The following GATB variants were observed in gnomAD, a reference collection of about 807,000 sequenced individuals.
GATB encodes glutamyl-tRNA(Gln) amidotransferase subunit B, mitochondrial.
GATB carries 39 observed loss-of-function variants against 62.3 expected under a neutral mutation model. That is an observed-to-expected ratio of 0.63 (90% CI 0.48 to 0.82). GATB has a LOEUF of 0.82. GATB is among the 40% of genes least tolerant of loss of function. The pLI is 0.00. For synonymous variants in GATB, 276 were observed against 258.9 expected, an observed-to-expected ratio of 1.07 and a Z score of -0.63; for missense variants, 670 against 684.0, an observed-to-expected ratio of 0.98 and a Z score of 0.23.
chr4:151,717,221 G>A, intron 3 of GATB, 147 bp from the exon 4 acceptor site: 1 of 716,974 alleles, frequency 1.4e-6, no homozygotes. Context: ...AAAAAAATTA[G>A]TTGCTGCATT....
intron 10 of GATB, among the ~76,000 whole-genome samples, 197 bp downstream of exon 10, chr4:151,688,433 C>T (rs747857711): frequency 6.6e-6 from 1 of 152,262 alleles, no homozygotes; most frequent in South Asian, 2.1e-4. Flanking sequence ...TGCACAGTCA[C>T]AGATTTGAAG....
chr4:151,708,544 T>C (rs1738759879), intron 5 of GATB, among the ~76,000 whole-genome samples: 1 of 152,310 alleles, frequency 6.6e-6, no homozygotes, highest in Admixed American at 6.5e-5. Context: ...CTGCTCTCCA[T>C]TGGAATGTGG....
Position 151,719,481 on chromosome 4 carries a change from G to A in GATB, c.385C>T (p.His129Tyr), listed in dbSNP as rs147299589. ...AVMTGLALNCHINKKSLFDRK... is the reference protein window; with the variant it reads ...AVMTGLALNCYINKKSLFDRK... ...TCAAACAAGGACTTCTTGTTTATGT[G>A]GCAGTTCAGAGCCAGGCCTGTCATC... Residue 129 changes from histidine to tyrosine, a missense_variant, in exon 3 of 13, where the codon CAC becomes TAC. His to Tyr is a moderately conservative substitution (Grantham distance 83). Coordinates refer to ENST00000263985, the MANE Select transcript of GATB (RefSeq NM_004564.3). 107 of 1,611,610 alleles carry A rather than the reference G, an allele frequency of 6.6e-5. No homozygotes were observed. Among genetic ancestry groups the A allele is most frequent in the Non-Finnish European group, 8.4e-5 (99 of 1,179,020 alleles).
intron 3 of GATB, among the ~76,000 whole-genome samples, chr4:151,718,102 C>T (rs982983240): frequency 2.6e-5 from 4 of 152,174 alleles, no homozygotes; most frequent in Non-Finnish European, 4.4e-5. Context: ...CTGCTTGGCC[C>T]GACCTCAAAG....
chr4:151,688,821 A>G, intron 9 of GATB, 58 bp from the exon 10 acceptor site: 2 of 1,522,402 alleles, frequency 1.3e-6, no homozygotes, highest in Non-Finnish European at 1.8e-6. Context: ...AAAGATCAGC[A>G]TTCTGAAGGC....
At chr4:151,690,544 AACCCAG>A (rs1424422526) in intron 9 of GATB, among the ~76,000 whole-genome samples, 1 of 152,266 alleles carries the variant, frequency 6.6e-6, no homozygotes, top group Non-Finnish European at 1.5e-5. Flanking sequence ...CCTTTGTTCT[AACCCAG>A]ACAGGCTGGC....
intron 2 of GATB, among the ~76,000 whole-genome samples, chr4:151,731,927 C>T (rs1313932185): frequency 1.3e-5 from 2 of 150,848 alleles, no homozygotes. Context: ...GGGTCAGCCC[C>T]CGCCGGGCCA....
chr4:151,735,993 A>T (rs1397937988), intron 2 of GATB, among the ~76,000 whole-genome samples: 5 of 151,942 alleles, frequency 3.3e-5, no homozygotes, highest in South Asian at 2.1e-4. Context: ...GTAACCAAAT[A>T]CCACTTGTAC....
rs1241425728 is a variant in GATB, at chr4:151,751,668, C to T, written c.327+7104G>A. ...TTTATTAAATCAGTAGCTGGTGCTT[C>T]TATTATTATTTACATGTTTCTCTCC... On this transcript the variant is annotated intron_variant, in intron 2 of 12. Transcript: ENST00000263985. Among the ~76,000 whole-genome samples, 13 of 152,262 alleles carry T rather than the reference C, an allele frequency of 8.5e-5. No individual in the cohort carries two copies. The South Asian group carries it at 2.7e-3, about 32-fold the overall frequency.
At chr4:151,732,483 G>A (rs1052101131) in intron 2 of GATB, among the ~76,000 whole-genome samples, 1 of 152,060 alleles carries the variant, frequency 6.6e-6, no homozygotes, top group Non-Finnish European at 1.5e-5. Context: ...TAAGGGCGGT[G>A]CAAGATGTGC....
intron 1 of GATB, among the ~76,000 whole-genome samples, chr4:151,759,873 G>C (rs1176739284): frequency 2.0e-5 from 3 of 152,004 alleles, no homozygotes; most frequent in African/African-American, 7.3e-5. Context: ...CTGAAGTACT[G>C]CAAGAATAAG....
rs1452920701 is a variant in GATB, at chr4:151,697,951, G to GTGTA, written c.1197+3374_1197+3377dup. ...ATTTCATATATATGTGTGTGTGTGTGTGTATATATATATATATATATATAT... is the reference window on the plus strand; with the variant it reads ...ATTTCATATATATGTGTGTGTGTGTGTGTATGTATATATATATATATATATATAT... On this transcript the variant is annotated intron_variant, in intron 9 of 12. Transcript: ENST00000263985. 1.7e-4 allele frequency among the ~76,000 whole-genome samples: 5 copies of GTGTA among 28,638 alleles called. No homozygotes were observed. The South Asian group carries it at 9.9e-3, about 57-fold the overall frequency. The allele number at this position is 28,638 out of a possible 152,430, so 18.8% of individuals were successfully genotyped here.
intron 2 of GATB, among the ~76,000 whole-genome samples, chr4:151,736,445 T>A (rs1296558723): frequency 6.6e-6 from 1 of 152,232 alleles, no homozygotes; most frequent in Non-Finnish European, 1.5e-5. Flanking sequence ...TGCCTCACTA[T>A]GTAAATGTAT....
At chr4:151,708,216 C>G in intron 5 of GATB, 115 bp from the exon 6 acceptor site, 1 of 698,346 alleles carries the variant, frequency 1.4e-6, no homozygotes, top group Non-Finnish European at 2.5e-6. Flanking sequence ...TTAGTTATAG[C>G]AGCCTAACTT....
intron 2 of GATB, among the ~76,000 whole-genome samples, chr4:151,727,868 C>A (rs140186098): frequency 2.0e-5 from 3 of 152,100 alleles, no homozygotes; most frequent in African/African-American, 7.2e-5. Flanking sequence ...CTATCTCAAT[C>A]GAATCTTTCA....
rs944930437 is a variant in GATB at position 151,719,542 on chromosome 4, T to C, written c.328-4A>G. ...CTACACACCTCCTGTTGAGAACCTA[T>C]GGGAACACAACACACAGTTCCTCTC... On this transcript the variant is annotated splice_region_variant and splice_polypyrimidine_tract_variant and intron_variant, in intron 2 of 12. Coordinates refer to ENST00000263985, the MANE Select transcript of GATB (RefSeq NM_004564.3). 1.3e-6 allele frequency: 2 copies of C among 1,591,890 alleles called. No individual in the cohort carries two copies. The highest frequency in any genetic ancestry group is 1.1e-5 in the South Asian group (1 of 88,022).
Position 151,719,511 on chromosome 4 carries a change from C to T in GATB, c.355G>A (p.Ala119Thr). Residue 119 changes from alanine (A) to threonine (T), a missense_variant, in exon 3 of 13, where the codon GCG becomes ACG. Physicochemically the swap from Ala to Thr is moderately conservative, Grantham distance 58. Transcript: ENST00000263985. Reference sequence around the variant, plus strand: ...TTCAGAGCCAGGCCTGTCATCACCGCCGCTTCTACACACCTCCTGTTGAGA... The same window carrying T: ...TTCAGAGCCAGGCCTGTCATCACCGTCGCTTCTACACACCTCCTGTTGAGA... Reference protein sequence around the residue: ...PVLNRRCVEAAVMTGLALNCH... With the variant: ...PVLNRRCVEATVMTGLALNCH... 2 of 1,610,664 alleles carry T rather than the reference C, an allele frequency of 1.2e-6. No homozygotes were observed. Among genetic ancestry groups the T allele is most frequent in the East Asian group, 2.2e-5 (1 of 44,582 alleles).
At chr4:151,705,164 C>A (rs114052071) in intron 7 of GATB, 21 bp downstream of exon 7, 2 of 1,572,252 alleles carry the variant, frequency 1.3e-6, no homozygotes, top group Admixed American at 3.3e-5. Flanking sequence ...GTGGTCAGGA[C>A]GCTCAGCAAT....
chr4:151,726,150 G>C lies in GATB; in HGVS notation c.328-6612C>G, dbSNP rs939766019. Among the ~76,000 whole-genome samples, 5 of 152,304 alleles carry C rather than the reference G, an allele frequency of 3.3e-5. No individual in the cohort carries two copies. The South Asian group carries it at 1.0e-3, about 32-fold the overall frequency. On this transcript the variant is annotated intron_variant, in intron 2 of 12. Coordinates refer to ENST00000263985, the MANE Select transcript of GATB (RefSeq NM_004564.3). ...AAATGCTTTAATTTATGGAGAGAAA[G>C]CAATTAAGATTTATTAAGTAAAAAG...
Sources: gnomAD v4.1 joint callset for allele counts (sites outside exome capture counted in the v4.1 genomes callset) on GRCh38, gnomAD v4.1.1 for gene constraint, MANE v1.5 for transcripts, NCBI Gene and HGNC (gene_info 2026-07-23, HGNC 2026-07-21) for gene names.